Variants in NEGR1 observed in about 807,000 individuals in gnomAD.
The protein encoded by NEGR1 is neuronal growth regulator 1, also known as IgLON family member 4.
NEGR1 carries 10 observed loss-of-function variants against 40.9 expected under a neutral mutation model. The observed-to-expected ratio is 0.24, with a 90% CI of 0.15 to 0.42. The LOEUF (loss-of-function observed/expected upper bound fraction) is 0.42. Ranked by LOEUF, NEGR1 falls within the 10% of genes least tolerant of loss-of-function variation. The pLI, the probability that NEGR1 is intolerant of heterozygous loss-of-function variation, is 1.00. For missense variants in NEGR1, 352 were observed against 438.9 expected, an observed-to-expected ratio of 0.80 and a Z score of 1.77; for synonymous variants, 185 against 166.8, an observed-to-expected ratio of 1.11 and a Z score of -0.84.
chr1:72,124,472 A>C (rs1649933227), intron 1 of NEGR1, among the ~76,000 whole-genome samples: 1 of 152,094 alleles, frequency 6.6e-6, no homozygotes, highest in Non-Finnish European at 1.5e-5. Context: ...AAACAATGAC[A>C]GCAACAAACA....
intron 1 of NEGR1, among the ~76,000 whole-genome samples, chr1:72,011,237 T>C (rs1448936898): frequency 1.3e-5 from 2 of 152,022 alleles, no homozygotes; most frequent in African/African-American, 4.8e-5. Context: ...TCAAAGGATA[T>C]TAGTGGGCTC....
At chr1:71,941,037 T>C (rs1026005574) in intron 1 of NEGR1, among the ~76,000 whole-genome samples, 1 of 152,124 alleles carries the variant, frequency 6.6e-6, no homozygotes, top group African/African-American at 2.4e-5. Context: ...TAATAAAAAA[T>C]AAAAAGTACA....
At chr1:71,511,505 T>A (rs1263378654) in intron 6 of NEGR1, among the ~76,000 whole-genome samples, 1 of 152,218 alleles carries the variant, frequency 6.6e-6, no homozygotes, top group Non-Finnish European at 1.5e-5. Flanking sequence ...CTGCATTCAA[T>A]TGTGCATCAG....
chr1:72,068,191 A>C (rs1647324652), intron 1 of NEGR1, among the ~76,000 whole-genome samples: 1 of 152,190 alleles, frequency 6.6e-6, no homozygotes, highest in African/African-American at 2.4e-5. Flanking sequence ...AAGCATGCCC[A>C]GATGAACCAA....
At chr1:71,443,504 A>G (rs148758807) in intron 6 of NEGR1, among the ~76,000 whole-genome samples, 1 of 152,308 alleles carries the variant, frequency 6.6e-6, no homozygotes, top group African/African-American at 2.4e-5. Flanking sequence ...AGTTTCTTAT[A>G]TATCTTTGTG....
At chr1:71,728,330 G>A (rs1303739753) in intron 3 of NEGR1, among the ~76,000 whole-genome samples, 1 of 152,098 alleles carries the variant, frequency 6.6e-6, no homozygotes, top group Non-Finnish European at 1.5e-5. Context: ...TGGAGTCCAG[G>A]CAGAGTAACT....
chr1:71,916,590 T>TA (rs1173526817), intron 2 of NEGR1, among the ~76,000 whole-genome samples: 3 of 151,786 alleles, frequency 2.0e-5, no homozygotes, highest in Admixed American at 6.6e-5. Flanking sequence ...CCGTCTCTAC[T>TA]AAAAAAATAC....
intron 4 of NEGR1, among the ~76,000 whole-genome samples, chr1:71,661,359 G>T (rs1278667810): frequency 6.6e-6 from 1 of 152,148 alleles, no homozygotes; most frequent in Non-Finnish European, 1.5e-5. Flanking sequence ...GCACATTACA[G>T]CAGCTGGATC....
At chr1:72,020,121 T>C (rs1260202152) in intron 1 of NEGR1, among the ~76,000 whole-genome samples, 1 of 152,236 alleles carries the variant, frequency 6.6e-6, no homozygotes, top group Non-Finnish European at 1.5e-5. Flanking sequence ...CAATGAAGCA[T>C]CATCGATTTT....
chr1:71,554,568 C>A (rs1343743483), intron 6 of NEGR1, among the ~76,000 whole-genome samples: 2 of 151,372 alleles, frequency 1.3e-5, no homozygotes, highest in Non-Finnish European at 3.0e-5. Flanking sequence ...ATTTCTCACC[C>A]TCCTGCACCC....
chr1:71,486,479 C>T, intron 6 of NEGR1: 1 of 151,422 alleles, frequency 6.6e-6, no homozygotes, highest in East Asian at 1.9e-4. Flanking sequence ...AGGAGGGACA[C>T]CTTTCCTAAT....
At chr1:71,778,634 T>C (rs1178398018) in intron 2 of NEGR1, among the ~76,000 whole-genome samples, 2 of 152,160 alleles carry the variant, frequency 1.3e-5, no homozygotes, top group African/African-American at 2.4e-5. Context: ...ATATAGAAGA[T>C]AGTATATAGG....
intron 2 of NEGR1, among the ~76,000 whole-genome samples, chr1:71,858,244 T>G (rs76847714): frequency 0.013 from 2,041 of 151,880 alleles, 21 homozygotes; most frequent in Admixed American, 0.022. Context: ...AAATATGCTG[T>G]TCTCATTTTT....
chr1:71,614,804 T>G (rs964342400), intron 4 of NEGR1, among the ~76,000 whole-genome samples: 1 of 152,144 alleles, frequency 6.6e-6, no homozygotes, highest in African/African-American at 2.4e-5. Flanking sequence ...AATCAAAATC[T>G]AGTTCATCAT....
intron 1 of NEGR1, among the ~76,000 whole-genome samples, chr1:72,125,040 T>C (rs1649957840): frequency 6.6e-6 from 1 of 152,118 alleles, no homozygotes; most frequent in African/African-American, 2.4e-5. Context: ...TCTTTTGTCA[T>C]CACTGTACGT....
chr1:71,826,863 C>G (rs897570468), intron 2 of NEGR1, among the ~76,000 whole-genome samples: 1 of 151,734 alleles, frequency 6.6e-6, no homozygotes, highest in African/African-American at 2.4e-5. Flanking sequence ...ATTTGTAAGA[C>G]CAGGGGATAA....
intron 1 of NEGR1, chr1:72,275,131 C>T (rs570959015): frequency 1.3e-5 from 10 of 761,168 alleles, no homozygotes; most frequent in East Asian, 2.5e-5. Context: ...CTTTATTTCC[C>T]GCACGTACGA....
chr1:71,495,168 G>C (rs1490119378), intron 6 of NEGR1, among the ~76,000 whole-genome samples: 3 of 152,068 alleles, frequency 2.0e-5, no homozygotes, highest in Admixed American at 2.0e-4. Flanking sequence ...TTAGTAATTA[G>C]GTTTTGGAGG....
rs1309640962 is a variant in NEGR1 at position 71,639,412 on chromosome 1, C to T, written c.668-28266G>A. 2.6e-5 allele frequency among the ~76,000 whole-genome samples: 4 copies of T among 152,146 alleles called. No individual in the cohort carries two copies. In the East Asian group the frequency reaches 7.7e-4, roughly 29 times the overall value. On this transcript the variant is annotated intron_variant, in intron 4 of 6. Coordinates refer to ENST00000357731, the MANE Select transcript of NEGR1 (RefSeq NM_173808.3). ...CGTATCTCATCACAAAGGTTTGCTGCTCCTATTTCCTCTGTTGCTACTCTT... is the reference window on the plus strand; with the variant it reads ...CGTATCTCATCACAAAGGTTTGCTGTTCCTATTTCCTCTGTTGCTACTCTT...
Sources: allele counts gnomAD v4.1 joint callset (sites outside exome capture counted in the v4.1 genomes callset), GRCh38; gene constraint gnomAD v4.1.1; transcripts MANE v1.5; gene names NCBI Gene and HGNC (gene_info 2026-07-23, HGNC 2026-07-21).